NPSR1: variants seen among roughly 807,000 people sequenced by gnomAD.
The protein encoded by NPSR1 is neuropeptide S receptor 1, also known as neuropeptide S receptor.
In NPSR1, 48 loss-of-function variants were observed where a neutral mutation model predicts 46.9. The ratio of observed to expected loss-of-function variants is 1.02; its 90% CI spans 0.81 to 1.30. NPSR1 has a LOEUF of 1.30. NPSR1 is among the 50% of genes most tolerant of loss of function. NPSR1 has a pLI of 0.00. For missense variants in NPSR1, 450 were observed against 449.5 expected, an observed-to-expected ratio of 1.00 and a Z score of -0.01; for synonymous variants, 176 against 168.1, an observed-to-expected ratio of 1.05 and a Z score of -0.36.
chr7:34,714,814 T>C lies in NPSR1; in HGVS notation c.280+30130T>C, dbSNP rs146289086. Reference sequence around the variant, plus strand: ...TTAAGCTGTGCATTGAGAAGTGCCATAGATACCAGGAATCAAATGAATGGA... The same window carrying C: ...TTAAGCTGTGCATTGAGAAGTGCCACAGATACCAGGAATCAAATGAATGGA... On this transcript the variant is annotated intron_variant, in intron 2 of 8. Coordinates refer to ENST00000360581, the MANE Select transcript of NPSR1 (RefSeq NM_207172.2). Among the ~76,000 whole-genome samples, 563 of 152,302 alleles carry C rather than the reference T, an allele frequency of 3.7e-3. 6 individuals are homozygous for C. Among genetic ancestry groups the C allele is most frequent in the Non-Finnish European group, 5.4e-3 (368 of 68,022 alleles).
intron 3 of NPSR1, among the ~76,000 whole-genome samples, chr7:34,801,693 A>C (rs1447088032): frequency 6.8e-6 from 1 of 147,106 alleles, no homozygotes; most frequent in Non-Finnish European, 1.5e-5. Context: ...ACTCCTATTC[A>C]ACATAGTGTT....
intron 8 of NPSR1, 140 bp from the exon 9 acceptor site, chr7:34,849,425 C>G: frequency 6.3e-7 from 1 of 1,575,620 alleles, no homozygotes. Context: ...GAAGGAAGGT[C>G]AGGGTATTAC....
intron 2 of NPSR1, chr7:34,761,091 T>G (rs1421232973): frequency 2.0e-5 from 3 of 152,846 alleles, no homozygotes; most frequent in Non-Finnish European, 2.9e-5. Context: ...TGAAATGATC[T>G]TGGGCCCCTT....
At chr7:34,865,239 G>A (rs1791284672) in intron 8 of NPSR1, among the ~76,000 whole-genome samples, 3 of 151,838 alleles carry the variant, frequency 2.0e-5, no homozygotes, top group Non-Finnish European at 4.4e-5. Context: ...GCTACGGAAT[G>A]TTTGGAAGTT....
chr7:34,699,941 C>T (rs781215936), intron 2 of NPSR1, among the ~76,000 whole-genome samples: 1 of 152,098 alleles, frequency 6.6e-6, no homozygotes, highest in Non-Finnish European at 1.5e-5. Flanking sequence ...TTTAGCACAG[C>T]CCCTCTTCTG....
At chr7:34,850,525 C>T (rs1340509475), downstream of NPSR1, among the ~76,000 whole-genome samples, 6 of 151,914 alleles carry the variant, frequency 3.9e-5, no homozygotes, top group African/African-American at 7.3e-5. Context: ...CTCAGCCTCC[C>T]GAGTAGCTGC....
intron 2 of NPSR1, among the ~76,000 whole-genome samples, chr7:34,730,384 T>C (rs987822820): frequency 3.3e-5 from 5 of 152,178 alleles, no homozygotes; most frequent in African/African-American, 1.2e-4. Context: ...CAGTCTTCCC[T>C]CAGAGCCTGT....
chr7:34,846,707 CG>C (rs1790752303), intron 7 of NPSR1, among the ~76,000 whole-genome samples: 1 of 151,916 alleles, frequency 6.6e-6, no homozygotes, highest in East Asian at 1.9e-4. Context: ...TTTTCTCAGC[CG>C]GCAAAAAGAA....
chr7:34,712,732 TA>T (rs1251748793), intron 2 of NPSR1, among the ~76,000 whole-genome samples: 2 of 152,214 alleles, frequency 1.3e-5, no homozygotes, highest in Admixed American at 6.5e-5. Context: ...GTTGGGGGTT[TA>T]AAAAGGCTAC....
At chr7:34,683,353 A>G (rs1479194429) in intron 1 of NPSR1, among the ~76,000 whole-genome samples, 1 of 151,802 alleles carries the variant, frequency 6.6e-6, no homozygotes, top group East Asian at 1.9e-4. Flanking sequence ...AGGCTGAGGC[A>G]GGAGAATGGC....
At chr7:34,876,758 T>G (rs1372261882) in intron 8 of NPSR1, among the ~76,000 whole-genome samples, 6 of 152,338 alleles carry the variant, frequency 3.9e-5, no homozygotes, top group Middle Eastern at 3.4e-3. Flanking sequence ...AGTCATGACC[T>G]CTATGGGACC....
Position 34,875,639 on chromosome 7 carries a change from C to T in NPSR1, c.1026-2437C>T, listed in dbSNP as rs151107427. Among the ~76,000 whole-genome samples the T allele has an allele frequency of 3.7e-3, 564 of 152,266 alleles. 2 individuals are homozygous for T. Among genetic ancestry groups the T allele is most frequent in the Non-Finnish European group, 5.5e-3 (376 of 68,016 alleles). Reference sequence around the variant, plus strand: ...TGCCTCCTGGAGGCCTCCAGCTGTGCGGAGTCATGCTTTTGGCAGCACCTG... The same window carrying T: ...TGCCTCCTGGAGGCCTCCAGCTGTGTGGAGTCATGCTTTTGGCAGCACCTG... On this transcript the variant is annotated intron_variant, in intron 8 of 8. Transcript: ENST00000359791.
At chr7:34,666,283 G>T (rs931623008) in intron 1 of NPSR1, among the ~76,000 whole-genome samples, 1 of 152,164 alleles carries the variant, frequency 6.6e-6, no homozygotes, top group African/African-American at 2.4e-5. Flanking sequence ...AAGAGAACAG[G>T]TTTCTGTAAC....
chr7:34,700,238 A>G (rs1323736337), intron 2 of NPSR1, among the ~76,000 whole-genome samples: 1 of 152,164 alleles, frequency 6.6e-6, no homozygotes, highest in Non-Finnish European at 1.5e-5. Context: ...GAAGGAAGGA[A>G]GGAAGGATAT....
At chr7:34,713,097 T>C (rs891320863) in intron 2 of NPSR1, among the ~76,000 whole-genome samples, 1 of 152,204 alleles carries the variant, frequency 6.6e-6, no homozygotes, top group African/African-American at 2.4e-5. Flanking sequence ...CCTTCTGTGA[T>C]TGTTAAGAAG....
At chr7:34,729,257 C>T (rs1169443381) in intron 2 of NPSR1, among the ~76,000 whole-genome samples, 1 of 152,134 alleles carries the variant, frequency 6.6e-6, no homozygotes, top group Non-Finnish European at 1.5e-5. Flanking sequence ...TGATTGTTCT[C>T]AGTTTTCCCC....
intron 4 of NPSR1, among the ~76,000 whole-genome samples, chr7:34,819,568 T>C (rs1335963653): frequency 1.3e-5 from 2 of 152,344 alleles, no homozygotes; most frequent in African/African-American, 4.8e-5. Context: ...ATTACTGGTA[T>C]ATACCCAAAG....
chr7:34,736,780 T>G (rs1315285586), intron 2 of NPSR1, among the ~76,000 whole-genome samples: 1 of 152,112 alleles, frequency 6.6e-6, no homozygotes, highest in Middle Eastern at 3.2e-3. Flanking sequence ...TTTGTATTTT[T>G]TATTTTTGTA....
chr7:34,772,346 G>C (rs933750773), intron 2 of NPSR1, among the ~76,000 whole-genome samples: 1 of 152,158 alleles, frequency 6.6e-6, no homozygotes, highest in Admixed American at 6.5e-5. Context: ...AATCCCCAAA[G>C]TTGCAGTTTC....
Sources: allele counts gnomAD v4.1 joint callset (sites outside exome capture counted in the v4.1 genomes callset), GRCh38; gene constraint gnomAD v4.1.1; transcripts MANE v1.5; gene names NCBI Gene and HGNC (gene_info 2026-07-23, HGNC 2026-07-21).